ARB2A: variants seen among roughly 807,000 people sequenced by gnomAD.
The protein encoded by ARB2A is ARB2 cotranscriptional regulator A, also known as cotranscriptional regulator ARB2A.
the ARB2A span, among the ~76,000 whole-genome samples, chr5:93,725,038 A>G: frequency 6.6e-6 from 1 of 152,058 alleles, no homozygotes; most frequent in Non-Finnish European, 1.5e-5. Context: ...ACAGAGTAGG[A>G]TAGCGTAAGA....
At chr5:94,034,484 CTTAA>C in the ARB2A span, among the ~76,000 whole-genome samples, 178 of 152,242 alleles carry the variant, frequency 1.2e-3, no homozygotes, top group Non-Finnish European at 2.0e-3. Context: ...AGGCCAACTG[CTTAA>C]TTCTTTCCCT....
the ARB2A span, among the ~76,000 whole-genome samples, chr5:93,855,491 T>A: frequency 6.6e-6 from 1 of 152,208 alleles, no homozygotes; most frequent in African/African-American, 2.4e-5. Flanking sequence ...GTGAATTTGA[T>A]CCTGTCATTA....
chr5:93,853,772 G>A, the ARB2A span, among the ~76,000 whole-genome samples: 278 of 152,224 alleles, frequency 1.8e-3, 3 homozygotes, highest in Middle Eastern at 0.014. Context: ...ATTGATTTGC[G>A]TATATTGAAC....
chr5:93,698,458 G>C, the ARB2A span, among the ~76,000 whole-genome samples: 1 of 152,024 alleles, frequency 6.6e-6, no homozygotes, highest in African/African-American at 2.4e-5. Flanking sequence ...AAATGAAACA[G>C]AACAGAAGAA....
At chr5:93,711,725 C>T in the ARB2A span, among the ~76,000 whole-genome samples, 2 of 152,250 alleles carry the variant, frequency 1.3e-5, no homozygotes, top group South Asian at 2.1e-4. Context: ...GCGAGCAGCT[C>T]GGTAGCACAG....
the ARB2A span, among the ~76,000 whole-genome samples, chr5:93,851,456 T>C: frequency 6.6e-6 from 1 of 152,172 alleles, no homozygotes; most frequent in Non-Finnish European, 1.5e-5. Context: ...TTTTACTTTA[T>C]TTTATTATTA....
chr5:93,787,048 A>T, the ARB2A span, among the ~76,000 whole-genome samples: 137,871 of 152,178 alleles, frequency 0.91, 62,916 homozygotes, highest in East Asian at 1. Context: ...GCAGTATTTA[A>T]TTAGGATCCA....
At chr5:93,942,015 G>A in the ARB2A span, among the ~76,000 whole-genome samples, 1 of 152,082 alleles carries the variant, frequency 6.6e-6, no homozygotes, top group East Asian at 1.9e-4. Context: ...CAAAAACAGT[G>A]ACCAAAATTC....
chr5:93,899,986 T>C, the ARB2A span, among the ~76,000 whole-genome samples: 4 of 152,150 alleles, frequency 2.6e-5, no homozygotes, highest in Admixed American at 1.3e-4. Context: ...ATAGAAATAT[T>C]GACAAAGGCA....
At chr5:94,070,867 A>G in the ARB2A span, among the ~76,000 whole-genome samples, 4 of 152,240 alleles carry the variant, frequency 2.6e-5, no homozygotes, top group East Asian at 3.9e-4. Flanking sequence ...ACAATGAGAA[A>G]AAAAGTCAAC....
chr5:94,016,496 T>A, the ARB2A span, among the ~76,000 whole-genome samples: 3 of 152,228 alleles, frequency 2.0e-5, no homozygotes, highest in Non-Finnish European at 4.4e-5. Flanking sequence ...TCTCATAGAC[T>A]TCTTAAAGGC....
the ARB2A span, among the ~76,000 whole-genome samples, chr5:93,969,737 A>G: frequency 6.6e-6 from 1 of 152,138 alleles, no homozygotes; most frequent in Admixed American, 6.5e-5. Flanking sequence ...TACTTTTGAC[A>G]TTTATTAAGC....
chr5:93,989,022 C>A, the ARB2A span, among the ~76,000 whole-genome samples: 1 of 151,992 alleles, frequency 6.6e-6, no homozygotes, highest in Non-Finnish European at 1.5e-5. Flanking sequence ...AGATGCAAAA[C>A]TGGAAATTAA....
At chr5:93,785,367 T>C in the ARB2A span, among the ~76,000 whole-genome samples, 3 of 152,176 alleles carry the variant, frequency 2.0e-5, no homozygotes, top group African/African-American at 7.2e-5. Context: ...TTCTTTTTTT[T>C]GCTTCAAATG....
the ARB2A span, among the ~76,000 whole-genome samples, chr5:93,651,445 A>C: frequency 2.0e-5 from 3 of 152,166 alleles, no homozygotes. Context: ...CAAGAATATG[A>C]TTTTCAACCA....
chr5:93,909,915 A>G, the ARB2A span, among the ~76,000 whole-genome samples: 1 of 151,014 alleles, frequency 6.6e-6, no homozygotes, highest in Non-Finnish European at 1.5e-5. Context: ...ACTAATTCTT[A>G]GCTATACAAA....
the ARB2A span, among the ~76,000 whole-genome samples, chr5:93,797,160 C>T: frequency 1.6e-3 from 238 of 152,200 alleles, no homozygotes; most frequent in African/African-American, 5.0e-3. Flanking sequence ...CTCTGAAACC[C>T]GTCATTTAGA....
the ARB2A span, among the ~76,000 whole-genome samples, chr5:93,709,181 T>A: frequency 6.6e-6 from 1 of 152,116 alleles, no homozygotes; most frequent in Admixed American, 6.5e-5. Flanking sequence ...CCAATAAAGC[T>A]GAGGAACAAT....
At chr5:93,757,457 G>C in the ARB2A span, among the ~76,000 whole-genome samples, 8 of 152,242 alleles carry the variant, frequency 5.3e-5, no homozygotes, top group African/African-American at 1.9e-4. Flanking sequence ...ATGAAGGAAA[G>C]AATCTTAAGA....
Sources: allele counts gnomAD v4.1 joint callset (sites outside exome capture counted in the v4.1 genomes callset), GRCh38; gene constraint gnomAD v4.1.1; transcripts MANE v1.5; gene names NCBI Gene and HGNC (gene_info 2026-07-23, HGNC 2026-07-21).